The following ATP2B2 variants were observed in gnomAD, a reference collection of about 807,000 sequenced individuals.
The protein encoded by ATP2B2 is plasma membrane calcium-transporting ATPase 2.
ATP2B2 carries 15 observed loss-of-function variants against 120.0 expected under a neutral mutation model. The ratio of observed to expected loss-of-function variants is 0.12; its 90% CI spans 0.08 to 0.19. ATP2B2 has a LOEUF of 0.19. Ranked by LOEUF, ATP2B2 falls within the 10% of genes least tolerant of loss-of-function variation. The probability of loss-of-function intolerance (pLI) is 1.00; values close to 1 mark genes in which losing one functional copy is unlikely to be tolerated. For synonymous variants in ATP2B2, 694 were observed against 700.3 expected (o/e 0.99, Z 0.14); for missense variants, 1,045 against 1,719.8 (o/e 0.61, Z 6.94).
At chr3:10,370,928 C>G (rs2125501051) in intron 12 of ATP2B2, among the ~76,000 whole-genome samples, 1 of 152,304 alleles carries the variant, frequency 6.6e-6, no homozygotes, top group East Asian at 1.9e-4. Context: ...ATAGGGTTTA[C>G]AGCATGGTGA....
At chr3:10,439,110 G>A (rs564974113) in intron 2 of ATP2B2, among the ~76,000 whole-genome samples, 28 of 152,334 alleles carry the variant, frequency 1.8e-4, no homozygotes, top group African/African-American at 5.3e-4. Flanking sequence ...GGCACTGATG[G>A]GCCAAGGTTT....
chr3:10,335,846 T>C (rs764503293), intron 22 of ATP2B2, among the ~76,000 whole-genome samples: 29 of 152,194 alleles, frequency 1.9e-4, no homozygotes, highest in Non-Finnish European at 3.8e-4. Flanking sequence ...ATTTGGTCAC[T>C]GATGTCCTCT....
At position 10,350,140 on chromosome 3, in the gene ATP2B2, G is replaced by A. The variant is rs757167713; in HGVS notation, c.2376C>T (p.Ser792=). The A allele has an allele frequency of 3.7e-5, 60 of 1,613,914 alleles. No individual in the cohort carries two copies. Among genetic ancestry groups the A allele is most frequent in the Non-Finnish European group, 5.0e-5 (59 of 1,180,008 alleles). ...TAACCAGGGTATGCTTGTCCGTTGGGGAGGAGCGAGCCAGCACCCGCAGCT... is the reference window on the plus strand; with the variant it reads ...TAACCAGGGTATGCTTGTCCGTTGGAGAGGAGCGAGCCAGCACCCGCAGCT... ...WPKLRVLARS[S]PTDKHTLVKG... Residue 792 remains serine, a synonymous_variant, in exon 16 of 23, where the codon TCC becomes TCT. Coordinates refer to ENST00000360273, the MANE Select transcript of ATP2B2 (RefSeq NM_001001331.4).
chr3:10,337,197 G>A (rs2060141410), intron 22 of ATP2B2, among the ~76,000 whole-genome samples: 1 of 152,224 alleles, frequency 6.6e-6, no homozygotes, highest in Non-Finnish European at 1.5e-5. Flanking sequence ...GGTCACATGA[G>A]GTGAGGTTTG....
At position 10,346,181 on chromosome 3, in the gene ATP2B2, G is replaced by GGAGGCAGCCT. The variant is rs1035466363; in HGVS notation, c.2405-54_2405-45dup. The GGAGGCAGCCT allele has an allele frequency of 6.3e-7, 1 of 1,594,820 alleles. No individual in the cohort carries two copies. The highest frequency in any genetic ancestry group is 8.5e-7 in the Non-Finnish European group (1 of 1,171,652). ...GCTCAGGCCCTGGGCCACTCAGGTG[G>GGAGGCAGCCT]GAGGCAGCCTGGGCCAGCCCTGGTC... On this transcript the variant is annotated intron_variant, in intron 16 of 22. Coordinates refer to ENST00000360273, the MANE Select transcript of ATP2B2 (RefSeq NM_001001331.4). This position sits in a 1 kb window ranked among gnomAD's most constrained non-coding sequence, Gnocchi z 4.1.
At chr3:10,544,635 C>T (rs564193958) in intron 2 of ATP2B2, among the ~76,000 whole-genome samples, 1 of 152,122 alleles carries the variant, frequency 6.6e-6, no homozygotes, top group East Asian at 1.9e-4. Flanking sequence ...GTGGATCAGG[C>T]TCCCTTCACA....
intron 2 of ATP2B2, among the ~76,000 whole-genome samples, chr3:10,413,715 C>T (rs1248611024): frequency 2.0e-5 from 3 of 152,238 alleles, no homozygotes; most frequent in Non-Finnish European, 2.9e-5. Context: ...CAATTCTACC[C>T]ATAGCCAACA....
At chr3:10,581,907 G>C (rs1032839921) in intron 2 of ATP2B2, among the ~76,000 whole-genome samples, 51 of 152,292 alleles carry the variant, frequency 3.3e-4, no homozygotes, top group African/African-American at 1.1e-3. Flanking sequence ...GGATTTGTTA[G>C]GTAAACACAG....
intron 2 of ATP2B2, among the ~76,000 whole-genome samples, chr3:10,616,801 G>C (rs749905932): frequency 6.6e-6 from 1 of 151,972 alleles, no homozygotes; most frequent in African/African-American, 2.4e-5. Flanking sequence ...GTGCAGAAAA[G>C]CACAAAGAAA....
At chr3:10,525,866 T>C (rs937450150) in intron 3 of ATP2B2, among the ~76,000 whole-genome samples, 4 of 152,162 alleles carry the variant, frequency 2.6e-5, no homozygotes, top group Admixed American at 1.3e-4. Flanking sequence ...TCCCCAGGAC[T>C]CCCTGTTATA....
At chr3:10,653,232 C>T (rs1249956505) in intron 1 of ATP2B2, among the ~76,000 whole-genome samples, 1 of 152,216 alleles carries the variant, frequency 6.6e-6, no homozygotes, top group African/African-American at 2.4e-5. Flanking sequence ...GGCATGCTCA[C>T]CAGGCCAGCC....
At chr3:10,706,807 C>G (rs568671176) in intron 1 of ATP2B2, among the ~76,000 whole-genome samples, 3 of 152,298 alleles carry the variant, frequency 2.0e-5, no homozygotes, top group Admixed American at 6.5e-5. Flanking sequence ...AGAGGTCACA[C>G]AGCTAGTAAG....
chr3:10,694,547 C>G (rs926432076), intron 1 of ATP2B2, among the ~76,000 whole-genome samples: 2 of 152,222 alleles, frequency 1.3e-5, no homozygotes, highest in African/African-American at 4.8e-5. Context: ...CTGTTTAACA[C>G]ATGAATGTAT....
At chr3:10,662,785 A>T (rs2070821443) in intron 1 of ATP2B2, among the ~76,000 whole-genome samples, 2 of 152,098 alleles carry the variant, frequency 1.3e-5, no homozygotes, top group African/African-American at 4.8e-5. Context: ...ATAAAGACAT[A>T]TGCACACGTA....
chr3:10,675,460 A>G (rs915584205), intron 1 of ATP2B2, among the ~76,000 whole-genome samples: 7 of 152,218 alleles, frequency 4.6e-5, no homozygotes, highest in Non-Finnish European at 8.8e-5. Context: ...TTATTTTCAC[A>G]GGAATAAAGA....
rs972554800 is a variant in ATP2B2 at position 10,652,771 on chromosome 3, C to T, written c.-459-32810G>A. On this transcript the variant is annotated intron_variant, in intron 1 of 21. Coordinates refer to the ATP2B2 transcript ENST00000646379. The stretch of plus-strand genomic sequence containing the variant: ...TATACACACACAGTTGAATATTGTT[C>T]GGCCTCAAAAAGAAAGGAAATCCAA... 3.3e-5 allele frequency among the ~76,000 whole-genome samples: 5 copies of T among 152,246 alleles called. No individual in the cohort carries two copies. In the South Asian group the frequency reaches 6.2e-4, roughly 19 times the overall value.
chr3:10,324,050 A>T lies in ATP2B2; in HGVS notation c.*4764T>A, dbSNP rs1333421372. The T allele has an allele frequency of 6.6e-6, 1 of 152,046 alleles. No homozygotes were observed. Among genetic ancestry groups the T allele is most frequent in the Non-Finnish European group, 1.5e-5 (1 of 68,010 alleles). 9.4% of individuals were successfully genotyped at this position (152,046 alleles called of 1,614,324 possible). A position where few individuals can be genotyped will look rare whatever the true frequency, so the allele number is the denominator to read the frequency against. On this transcript the variant is annotated 3_prime_UTR_variant, in exon 23 of 23. Transcript: ENST00000360273. ...CATTTCCACGTGTGCATTTATTGTT[A>T]TTGCTCAGTATAGTGTTGAAAAGGC...
rs937809672 is a variant in ATP2B2, at chr3:10,347,714, A to C, written c.2405-1577T>G. Among the ~76,000 whole-genome samples, 13 of 152,130 alleles carry C rather than the reference A, an allele frequency of 8.5e-5. No individual in the cohort carries two copies. Among genetic ancestry groups the C allele is most frequent in the African/African-American group, 3.1e-4 (13 of 41,414 alleles). On this transcript the variant is annotated intron_variant, in intron 16 of 22. Coordinates refer to ENST00000360273, the MANE Select transcript of ATP2B2 (RefSeq NM_001001331.4). This position sits in a 1 kb window ranked among gnomAD's most constrained non-coding sequence, Gnocchi z 5.2. Reference sequence around the variant, plus strand: ...GCTCCTCCAAGGCAGGGACGGGTCAAATTTCTGCCCTGTGGCTCCCAGGTG... The same window carrying C: ...GCTCCTCCAAGGCAGGGACGGGTCACATTTCTGCCCTGTGGCTCCCAGGTG...
intron 1 of ATP2B2, among the ~76,000 whole-genome samples, chr3:10,463,200 C>T (rs1180494420): frequency 6.6e-6 from 1 of 152,156 alleles, no homozygotes; most frequent in Non-Finnish European, 1.5e-5. Context: ...TGACCCTCCA[C>T]CCACTGCCTT....
Sources: gnomAD v4.1 joint callset for allele counts (sites outside exome capture counted in the v4.1 genomes callset) on GRCh38, gnomAD v4.1.1 for gene constraint, Gnocchi (gnomAD v3.1) non-coding constraint, MANE v1.5 for transcripts, NCBI Gene and HGNC (gene_info 2026-07-23, HGNC 2026-07-21) for gene names.